Variants in HERC3 observed in about 807,000 individuals in gnomAD.
HERC3 encodes the protein HECT and RLD domain containing E3 ubiquitin protein ligase 3.
Under a neutral mutation model 129.9 loss-of-function variants are expected in HERC3, and 58 were observed. The observed-to-expected ratio is 0.45, with a 90% confidence interval of 0.36 to 0.56. The LOEUF (loss-of-function observed/expected upper bound fraction) is 0.56, where lower values mean the gene tolerates loss of function less well. HERC3 is among the 20% of genes least tolerant of loss of function. The probability of loss-of-function intolerance (pLI) is 0.00; values close to 1 mark genes in which losing one functional copy is unlikely to be tolerated. For missense variants in HERC3, 835 were observed against 1,244.2 expected (o/e 0.67, Z 4.95); for synonymous variants, 430 against 451.0 (o/e 0.95, Z 0.59).
chr4:88,585,735 A>G, the HERC3 span, among the ~76,000 whole-genome samples: 1 of 152,136 alleles, frequency 6.6e-6, no homozygotes, highest in Admixed American at 6.5e-5. Flanking sequence ...CTAATCATAA[A>G]TTTTTAGGCA....
At chr4:88,697,915 G>T (rs1560779600) in intron 23 of HERC3, 4 of 922,690 alleles carry the variant, frequency 4.3e-6, no homozygotes, top group African/African-American at 3.4e-5. Flanking sequence ...CACTTGACTG[G>T]CTTCCCACTA....
At chr4:88,582,701 C>T in the HERC3 span, among the ~76,000 whole-genome samples, 105 of 152,274 alleles carry the variant, frequency 6.9e-4, no homozygotes, top group African/African-American at 2.5e-3. Flanking sequence ...TTTTATTAAC[C>T]TGAGAGACTT....
intron 3 of HERC3, among the ~76,000 whole-genome samples, chr4:88,619,375 CA>C (rs1725265774): frequency 6.6e-6 from 1 of 152,168 alleles, no homozygotes; most frequent in South Asian, 2.1e-4. Context: ...CAGGGCATTT[CA>C]GTGGGAAATG....
rs115442928 is a variant in HERC3 at position 88,626,465 on chromosome 4, A to G, written c.226+20416A>G. The stretch of plus-strand genomic sequence containing the variant: ...TTTCTTTGTGGGGATATTTTATTTT[A>G]CTTTATTATTTGTTTTTTCAGCTTT... On this transcript the variant is annotated intron_variant, in intron 3 of 25. Coordinates refer to ENST00000402738, the MANE Select transcript of HERC3 (RefSeq NM_014606.3). Among the ~76,000 whole-genome samples the G allele has an allele frequency of 9.5e-3, 1,442 of 151,940 alleles. 21 individuals carry two copies. Among genetic ancestry groups the G allele is most frequent in the African/African-American group, 0.032 (1,345 of 41,458 alleles).
chr4:88,697,873 G>T (rs1197549722), intron 23 of HERC3: 2 of 1,387,554 alleles, frequency 1.4e-6, no homozygotes, highest in South Asian at 1.5e-5. Flanking sequence ...CGGGAATGAC[G>T]TTGGCCGCGG....
intron 11 of HERC3, among the ~76,000 whole-genome samples, chr4:88,662,833 G>A (rs1348533610): frequency 6.6e-6 from 1 of 152,066 alleles, no homozygotes; most frequent in Non-Finnish European, 1.5e-5. Context: ...GGCCTGAGTT[G>A]GTGATTCTGC....
At chr4:88,670,444 C>T (rs543550980) in intron 16 of HERC3, among the ~76,000 whole-genome samples, 192 bp downstream of exon 16, 1 of 152,234 alleles carries the variant, frequency 6.6e-6, no homozygotes, top group Non-Finnish European at 1.5e-5. Flanking sequence ...AATGAGTAGT[C>T]ACCCAGAATG....
At chr4:88,582,280 T>C in the HERC3 span, among the ~76,000 whole-genome samples, 1 of 152,230 alleles carries the variant, frequency 6.6e-6, no homozygotes, top group African/African-American at 2.4e-5. Flanking sequence ...AGGAATGGAC[T>C]AGGTCTGCAC....
chr4:88,558,798 C>T, the HERC3 span, among the ~76,000 whole-genome samples: 7,312 of 148,976 alleles, frequency 0.049, 417 homozygotes, highest in East Asian at 0.27. Flanking sequence ...CCCGTCTCTA[C>T]TAGAAAAAAA....
chr4:88,662,341 C>G, intron 10 of HERC3, 90 bp from the exon 11 acceptor site: 1 of 1,308,194 alleles, frequency 7.6e-7, no homozygotes, highest in Non-Finnish European at 1.1e-6. Context: ...ATAAGTGAAA[C>G]GTAAAATGGA....
At chr4:88,579,692 CT>C in the HERC3 span, among the ~76,000 whole-genome samples, 6 of 152,236 alleles carry the variant, frequency 3.9e-5, no homozygotes, top group Non-Finnish European at 5.9e-5. Flanking sequence ...ATCTATCCCC[CT>C]CTGCCAAGAT....
intron 4 of HERC3, among the ~76,000 whole-genome samples, chr4:88,650,979 A>G (rs1356167338): frequency 1.3e-5 from 2 of 152,180 alleles, no homozygotes; most frequent in African/African-American, 2.4e-5. Context: ...TAAGAGGACC[A>G]TGGAGGTAAG....
At chr4:88,555,180 G>C in the HERC3 span, among the ~76,000 whole-genome samples, 1 of 151,868 alleles carries the variant, frequency 6.6e-6, no homozygotes, top group Admixed American at 6.6e-5. Context: ...CTACTCGGGA[G>C]GTTGAGGCAG....
chr4:88,568,871 C>A, the HERC3 span, among the ~76,000 whole-genome samples: 1 of 151,836 alleles, frequency 6.6e-6, no homozygotes, highest in Non-Finnish European at 1.5e-5. Flanking sequence ...CCCTTCTCCT[C>A]TCCTCAAGCA....
intron 2 of HERC3, among the ~76,000 whole-genome samples, chr4:88,603,665 A>G (rs956332043): frequency 1.3e-5 from 2 of 152,220 alleles, no homozygotes; most frequent in Admixed American, 1.3e-4. Context: ...AGATCCACCC[A>G]CTTAAGATTT....
At chr4:88,579,200 G>A in the HERC3 span, among the ~76,000 whole-genome samples, 2 of 145,550 alleles carry the variant, frequency 1.4e-5, no homozygotes, top group African/African-American at 5.4e-5. Flanking sequence ...TGGCCAACGT[G>A]GTGAAACCCT....
chr4:88,528,202 T>C, the HERC3 span: 1 of 167,236 alleles, frequency 6.0e-6, no homozygotes, highest in Non-Finnish European at 1.3e-5. Flanking sequence ...GGAGACTCGT[T>C]TCATCTTTGG....
the HERC3 span, among the ~76,000 whole-genome samples, chr4:88,586,361 CTT>C: frequency 7.2e-5 from 9 of 124,994 alleles, no homozygotes; most frequent in East Asian, 2.3e-4. Flanking sequence ...TTTTTTCTTT[CTT>C]TTTTTTTTTT....
At chr4:88,614,649 A>C (rs930855362) in intron 3 of HERC3, among the ~76,000 whole-genome samples, 4 of 152,168 alleles carry the variant, frequency 2.6e-5, no homozygotes. Context: ...CACACATGAT[A>C]ATTCATATTT....
Sources: allele counts gnomAD v4.1 joint callset (sites outside exome capture counted in the v4.1 genomes callset), GRCh38; gene constraint gnomAD v4.1.1; transcripts MANE v1.5; gene names NCBI Gene and HGNC (gene_info 2026-07-23, HGNC 2026-07-21).